MTAP: variants seen among roughly 807,000 people sequenced by gnomAD.
MTAP encodes the protein methylthioadenosine phosphorylase, also known as S-methyl-5'-thioadenosine phosphorylase.
MTAP carries 33 observed loss-of-function variants against 33.6 expected under a neutral mutation model. That is an observed-to-expected ratio of 0.98 (90% CI 0.74 to 1.31). The LOEUF (loss-of-function observed/expected upper bound fraction) is 1.31. MTAP is among the 40% of genes most tolerant of loss of function. The pLI, the probability that MTAP is intolerant of heterozygous loss-of-function variation, is 0.00. For missense variants in MTAP, 367 were observed against 360.0 expected, an observed-to-expected ratio of 1.02 and a Z score of -0.16; for synonymous variants, 148 against 125.7, an observed-to-expected ratio of 1.18 and a Z score of -1.19.
intron 1 of MTAP, among the ~76,000 whole-genome samples, chr9:21,926,216 G>A (rs962493142): frequency 6.6e-6 from 1 of 152,166 alleles, no homozygotes; most frequent in Admixed American, 6.5e-5. Context: ...AGCTAACCTT[G>A]TAGAAGGCAG....
chr9:21,918,349 CAAAAAAA>C (rs34446505), intron 1 of MTAP, among the ~76,000 whole-genome samples: 35 of 23,802 alleles, frequency 1.5e-3, no homozygotes, highest in African/African-American at 5.9e-3. Flanking sequence ...GACTCCGTCT[CAAAAAAA>C]AAAAAAAAAA....
Position 21,837,912 on chromosome 9 carries a change from A to T in MTAP, c.352A>T (p.Thr118Ser), listed in dbSNP as rs746746593. ...VIIDQFIDRTTMRPQSFYDGS... is the reference protein window; with the variant it reads ...VIIDQFIDRTSMRPQSFYDGS... ...CTTTTTTGCTTTATTTTGTAGGACC[A>T]CTATGAGACCTCAGTCCTTCTATGA... Residue 118 changes from threonine to serine, a missense_variant, in exon 5 of 8, where the codon ACT (threonine) becomes TCT (serine). Coordinates refer to ENST00000644715, the MANE Select transcript of MTAP (RefSeq NM_002451.4). 1 of 1,613,030 alleles carries T rather than the reference A, an allele frequency of 6.2e-7. No homozygotes were observed. The highest frequency in any genetic ancestry group is 1.6e-4 in the Middle Eastern group (1 of 6,082).
chr9:21,866,546 A>C lies in MTAP; in HGVS notation c.*4532A>C, dbSNP rs912534298. 1 of 152,092 alleles carries C rather than the reference A, an allele frequency of 6.6e-6. No homozygotes were observed. The highest frequency in any genetic ancestry group is 1.5e-5 in the Non-Finnish European group (1 of 67,998). 9.4% of individuals were successfully genotyped at this position (152,092 alleles called of 1,614,324 possible). ...ATTTAATTACCTGTGTGCCCTTGTC[A>C]AAATTTACTGTTTATCTGTGAATCT... On this transcript the variant is annotated 3_prime_UTR_variant, in exon 8 of 8. Transcript: ENST00000644715.
At chr9:21,841,679 A>G (rs1825248737) in intron 5 of MTAP, among the ~76,000 whole-genome samples, 1 of 152,224 alleles carries the variant, frequency 6.6e-6, no homozygotes. Context: ...AAGAGCAATA[A>G]CAGTCACTGC....
chr9:21,871,999 T>G (rs1269944411), downstream of MTAP, among the ~76,000 whole-genome samples: 1 of 152,190 alleles, frequency 6.6e-6, no homozygotes, highest in Admixed American at 6.5e-5. Context: ...AATTTTTGTG[T>G]GTTTTAACCA....
intron 1 of MTAP, among the ~76,000 whole-genome samples, chr9:21,884,010 G>C (rs1818062317): frequency 6.6e-6 from 1 of 152,108 alleles, no homozygotes; most frequent in Non-Finnish European, 1.5e-5. Context: ...GTGGTTTCTA[G>C]TGGATGTCGT....
At chr9:21,899,809 T>C (rs1818359623) in intron 1 of MTAP, among the ~76,000 whole-genome samples, 1 of 151,942 alleles carries the variant, frequency 6.6e-6, no homozygotes, top group Non-Finnish European at 1.5e-5. Flanking sequence ...CCAAACCATA[T>C]CAGTACTGGT....
chr9:21,822,080 A>G (rs1824656960), intron 4 of MTAP, among the ~76,000 whole-genome samples: 2 of 151,140 alleles, frequency 1.3e-5, no homozygotes, highest in Admixed American at 6.6e-5. Context: ...CAGAAAACCA[A>G]CTCCTGGATT....
intron 4 of MTAP, among the ~76,000 whole-genome samples, chr9:21,832,999 A>G (rs995268694): frequency 2.0e-5 from 3 of 152,184 alleles, no homozygotes; most frequent in Admixed American, 2.0e-4. Context: ...ATTGTTTAGC[A>G]TGATCTCATG....
rs1482367605 is a variant in MTAP at position 21,863,381 on chromosome 9, G to T, written c.*1367G>T. On this transcript the variant is annotated 3_prime_UTR_variant, in exon 8 of 8. Coordinates refer to ENST00000644715, the MANE Select transcript of MTAP (RefSeq NM_002451.4). Reference sequence around the variant, plus strand: ...CCAGCACTGTGGGAGGCCGAGACGGGTGGATCACAAGGTCAGGAGATCGAG... The same window carrying T: ...CCAGCACTGTGGGAGGCCGAGACGGTTGGATCACAAGGTCAGGAGATCGAG... 2.3e-6 allele frequency: 2 copies of T among 873,902 alleles called. No homozygotes were observed. The highest frequency in any genetic ancestry group is 6.2e-5 in the Admixed American group (1 of 16,106). The allele number at this position is 873,902 out of a possible 1,614,324, so 54.1% of individuals were successfully genotyped here.
At chr9:21,909,361 T>G (rs1043855256) in intron 1 of MTAP, among the ~76,000 whole-genome samples, 1 of 152,124 alleles carries the variant, frequency 6.6e-6, no homozygotes, top group Non-Finnish European at 1.5e-5. Context: ...AAGAGAAATA[T>G]CCAATGTTGA....
chr9:21,802,966 A>T, intron 1 of MTAP, 185 bp downstream of exon 1: 1 of 1,340,018 alleles, frequency 7.5e-7, no homozygotes, highest in Non-Finnish European at 9.5e-7. Flanking sequence ...CTTGCAAATG[A>T]TCCCCCTGCC....
chr9:21,821,966 G>A (rs559328963), intron 4 of MTAP, among the ~76,000 whole-genome samples: 26 of 152,090 alleles, frequency 1.7e-4, no homozygotes, highest in Admixed American at 1.1e-3. Context: ...CTGTGGGATC[G>A]GTGGTGATAT....
At chr9:21,844,522 T>G (rs1825328700) in intron 5 of MTAP, among the ~76,000 whole-genome samples, 1 of 152,160 alleles carries the variant, frequency 6.6e-6, no homozygotes, top group Non-Finnish European at 1.5e-5. Context: ...ATGAAAAAGA[T>G]AATACACCAT....
chr9:21,865,480 T>C lies in MTAP; in HGVS notation c.*3466T>C, dbSNP rs1825838807. ...TTTGAAGATTGTTGCACCTTGGAAC[T>C]ACCAGTGTGCACACAATCTGGCTCA... On this transcript the variant is annotated 3_prime_UTR_variant, in exon 8 of 8. Transcript: ENST00000644715. The C allele has an allele frequency of 1.0e-6, 1 of 985,526 alleles. No homozygotes were observed. 61.0% of individuals were successfully genotyped at this position (985,526 alleles called of 1,614,324 possible).
intron 4 of MTAP, among the ~76,000 whole-genome samples, chr9:21,827,735 C>T (rs1451763207): frequency 6.6e-6 from 1 of 152,202 alleles, no homozygotes; most frequent in Non-Finnish European, 1.5e-5. Context: ...TTTTTGAGGG[C>T]TTGAACATAG....
chr9:21,829,066 G>A (rs1299762514), intron 4 of MTAP, among the ~76,000 whole-genome samples: 1 of 152,200 alleles, frequency 6.6e-6, no homozygotes, highest in Non-Finnish European at 1.5e-5. Flanking sequence ...TGCCCTCTAT[G>A]TGTTTTACTG....
intron 4 of MTAP, among the ~76,000 whole-genome samples, chr9:21,831,782 T>C (rs542479724): frequency 6.0e-5 from 8 of 132,798 alleles, no homozygotes; most frequent in South Asian, 2.3e-4. Flanking sequence ...TTTGCAGATA[T>C]TGATTTTTTT....
In MTAP at chr9:21,862,160, T is replaced by G; in HGVS notation, c.*146T>G. The stretch of plus-strand genomic sequence containing the variant: ...AGTATGTTGTAAGAAAGACAAGACA[T>G]TGTGTGTATTAGAGACTCCTGAATG... On this transcript the variant is annotated 3_prime_UTR_variant, in exon 8 of 8. Coordinates refer to ENST00000644715, the MANE Select transcript of MTAP (RefSeq NM_002451.4). The G allele has an allele frequency of 6.7e-7, 1 of 1,499,784 alleles. No homozygotes were observed. Among genetic ancestry groups the G allele is most frequent in the South Asian group, 1.4e-5 (1 of 72,922 alleles). 92.9% of individuals were successfully genotyped at this position (1,499,784 alleles called of 1,614,324 possible). A position where few individuals can be genotyped will look rare whatever the true frequency, so the allele number is the denominator to read the frequency against.
Sources: allele counts gnomAD v4.1 joint callset (sites outside exome capture counted in the v4.1 genomes callset), GRCh38; gene constraint gnomAD v4.1.1; transcripts MANE v1.5; gene names NCBI Gene and HGNC (gene_info 2026-07-23, HGNC 2026-07-21).